The following DLG2 variants were observed in gnomAD, a reference collection of about 807,000 sequenced individuals.
DLG2 encodes the protein discs large MAGUK scaffold protein 2, also known as disks large homolog 2.
A neutral mutation model predicts 132.5 loss-of-function variants in DLG2; 45 were observed. That is an observed-to-expected ratio of 0.34 (90% CI 0.27 to 0.44). DLG2 has a LOEUF of 0.44. DLG2 is among the 20% of genes least tolerant of loss of function. DLG2 has a pLI of 1.00. For synonymous variants in DLG2, 424 were observed against 419.6 expected, an observed-to-expected ratio of 1.01 and a Z score of -0.13; for missense variants, 1,045 against 1,196.9, an observed-to-expected ratio of 0.87 and a Z score of 1.87.
At chr11:83,469,640 A>G (rs1177968334) in intron 24 of DLG2, among the ~76,000 whole-genome samples, 1 of 152,128 alleles carries the variant, frequency 6.6e-6, no homozygotes, top group Admixed American at 6.6e-5. Context: ...ATGAGAGAGC[A>G]TTCACCCCAC....
intron 8 of DLG2, among the ~76,000 whole-genome samples, chr11:84,196,540 G>A (rs1306321047): frequency 6.6e-6 from 1 of 152,150 alleles, no homozygotes; most frequent in East Asian, 1.9e-4. Context: ...TTATTTCCTA[G>A]TCAGTTTTCA....
At chr11:84,982,920 G>T (rs963558815) in intron 6 of DLG2, among the ~76,000 whole-genome samples, 1 of 152,004 alleles carries the variant, frequency 6.6e-6, no homozygotes, top group African/African-American at 2.4e-5. Flanking sequence ...AGAATACAGG[G>T]GAACCTCTTC....
intron 3 of DLG2, chr11:85,286,194 T>C: frequency 7.7e-6 from 3 of 388,510 alleles, no homozygotes; most frequent in South Asian, 5.7e-5. Context: ...TCCTGTTGGG[T>C]ACAGATGAAC....
At chr11:84,426,442 C>T (rs1347690090) in intron 7 of DLG2, among the ~76,000 whole-genome samples, 3 of 152,082 alleles carry the variant, frequency 2.0e-5, no homozygotes, top group Non-Finnish European at 4.4e-5. Context: ...TTAGGACATG[C>T]TAACTGTGCA....
At chr11:85,619,963 G>A (rs1407978928) in intron 2 of DLG2, among the ~76,000 whole-genome samples, 2 of 152,166 alleles carry the variant, frequency 1.3e-5, no homozygotes, top group East Asian at 3.8e-4. Flanking sequence ...GTCAGGTACA[G>A]GCATAGCTCA....
At chr11:83,780,438 T>C (rs2094767584) in intron 18 of DLG2, among the ~76,000 whole-genome samples, 1 of 152,140 alleles carries the variant, frequency 6.6e-6, no homozygotes, top group Admixed American at 6.5e-5. Flanking sequence ...TTAAAAGGAG[T>C]GAAACAGATT....
intron 3 of DLG2, among the ~76,000 whole-genome samples, chr11:85,482,393 T>C (rs553206165): frequency 1.8e-4 from 27 of 152,210 alleles, no homozygotes; most frequent in Non-Finnish European, 2.9e-4. Flanking sequence ...CCAGTCCCCA[T>C]GGTCCCATGC....
chr11:85,490,510 G>A (rs1394718046), intron 3 of DLG2, among the ~76,000 whole-genome samples: 1 of 151,706 alleles, frequency 6.6e-6, no homozygotes, highest in Non-Finnish European at 1.5e-5. Context: ...TGAAAAATTT[G>A]TTCTTTCAAA....
At chr11:84,375,481 T>G (rs1333609089) in intron 7 of DLG2, among the ~76,000 whole-genome samples, 2 of 152,168 alleles carry the variant, frequency 1.3e-5, no homozygotes, top group Non-Finnish European at 2.9e-5. Context: ...TTTAGTTTTT[T>G]ATACCTTAAT....
intron 6 of DLG2, among the ~76,000 whole-genome samples, chr11:84,944,505 C>A (rs1331782335): frequency 2.6e-5 from 4 of 151,792 alleles, no homozygotes; most frequent in Non-Finnish European, 4.4e-5. Flanking sequence ...TTGATCAGTT[C>A]CGCTGTTGAG....
intron 6 of DLG2, among the ~76,000 whole-genome samples, chr11:84,759,747 T>C (rs921572803): frequency 6.6e-6 from 1 of 152,152 alleles, no homozygotes; most frequent in Admixed American, 6.5e-5. Flanking sequence ...CAACAAAAAC[T>C]TGTCTTCATA....
chr11:85,177,263 T>TTATTTA lies in DLG2; in HGVS notation c.187-22613_187-22612insTAAATA, dbSNP rs774212496. On this transcript the variant is annotated intron_variant, in intron 4 of 27. Transcript: ENST00000376104. ...AAATGTGGTGTGTATGTATATGTAT[T>TTATTTA]TATATATATATATATATACATATAC... is the stretch of plus-strand genomic sequence containing the variant. Among the ~76,000 whole-genome samples the TTATTTA allele has an allele frequency of 5.5e-3, 750 of 137,052 alleles. 3 individuals carry two copies. The highest frequency in any genetic ancestry group is 6.6e-3 in the Non-Finnish European group (436 of 65,564). 89.9% of individuals were successfully genotyped at this position (137,052 alleles called of 152,430 possible).
chr11:85,596,058 G>C (rs1465613512), intron 3 of DLG2, among the ~76,000 whole-genome samples: 4 of 152,050 alleles, frequency 2.6e-5, no homozygotes, highest in South Asian at 2.1e-4. Context: ...TTCAAGACCA[G>C]CCTGGGAAAC....
chr11:85,460,657 CA>C (rs1268404802), intron 3 of DLG2, among the ~76,000 whole-genome samples: 1 of 152,166 alleles, frequency 6.6e-6, no homozygotes, highest in African/African-American at 2.4e-5. Flanking sequence ...TACTAATAGC[CA>C]TCTTGGCCTC....
At chr11:85,419,262 C>T (rs1292574354) in intron 3 of DLG2, among the ~76,000 whole-genome samples, 1 of 152,212 alleles carries the variant, frequency 6.6e-6, no homozygotes, top group Non-Finnish European at 1.5e-5. Flanking sequence ...CCACTCTCTT[C>T]TGGCTTGTAG....
rs566836789 is a variant in DLG2, at chr11:84,123,862, T to A, written c.625-24815A>T. On this transcript the variant is annotated intron_variant, in intron 9 of 27. Transcript: ENST00000376104. Reference sequence around the variant, plus strand: ...AAATATAGGAGAAATTTTCTGAAGTTGAGGCATGTGCTTTCATTAGTATAA... The same window carrying A: ...AAATATAGGAGAAATTTTCTGAAGTAGAGGCATGTGCTTTCATTAGTATAA... Among the ~76,000 whole-genome samples the A allele has an allele frequency of 6.4e-4, 97 of 152,324 alleles. 2 individuals are homozygous for A. The South Asian group carries it at 0.019, about 30-fold the overall frequency.
intron 15 of DLG2, among the ~76,000 whole-genome samples, chr11:83,887,896 A>G (rs2068417752): frequency 1.3e-5 from 2 of 150,826 alleles, no homozygotes; most frequent in African/African-American, 4.9e-5. Flanking sequence ...ACAAAATTCA[A>G]CAACGCTTCA....
intron 16 of DLG2, among the ~76,000 whole-genome samples, chr11:83,841,850 G>T (rs1478220820): frequency 6.6e-6 from 1 of 152,186 alleles, no homozygotes. Flanking sequence ...TAGGCACTGT[G>T]AATACAAAGA....
intron 8 of DLG2, among the ~76,000 whole-genome samples, chr11:84,189,672 G>A (rs182691713): frequency 1.3e-5 from 2 of 152,302 alleles, no homozygotes; most frequent in African/African-American, 4.8e-5. Context: ...TTCTTTGCAG[G>A]AACATGGATG....
Sources: gnomAD v4.1 joint callset for allele counts (sites outside exome capture counted in the v4.1 genomes callset) on GRCh38, gnomAD v4.1.1 for gene constraint, MANE v1.5 for transcripts, NCBI Gene and HGNC (gene_info 2026-07-23, HGNC 2026-07-21) for gene names.